SANBR: variants seen among roughly 807,000 people sequenced by gnomAD.
SANBR encodes the protein SANT and BTB domain regulator of class switch recombination.
Under a neutral mutation model 101.8 loss-of-function variants are expected in SANBR, and 77 were observed. That is an observed-to-expected ratio of 0.76 (90% confidence interval 0.63 to 0.91). The LOEUF (loss-of-function observed/expected upper bound fraction) is 0.91. Among genes scored for constraint, SANBR ranks in the 40% least tolerant of loss-of-function variants. The pLI is 0.00. For synonymous variants in SANBR, 279 were observed against 274.7 expected, an observed-to-expected ratio of 1.02 and a Z score of -0.15; for missense variants, 875 against 853.0, an observed-to-expected ratio of 1.03 and a Z score of -0.32.
At chr2:61,092,203 A>G (rs1487195600) in intron 10 of SANBR, among the ~76,000 whole-genome samples, 1 of 152,208 alleles carries the variant, frequency 6.6e-6, no homozygotes, top group Non-Finnish European at 1.5e-5. Flanking sequence ...TCCACCAAAT[A>G]TACAAACCCT....
chr2:61,133,094 G>A (rs1374579489), intron 20 of SANBR, among the ~76,000 whole-genome samples: 2 of 152,040 alleles, frequency 1.3e-5, no homozygotes, highest in Admixed American at 6.6e-5. Flanking sequence ...TCTACTAAAA[G>A]TACAAAAATT....
In SANBR at chr2:61,123,743, C is replaced by T. The variant is rs368318484; in HGVS notation, c.*1581C>T. The T allele has an allele frequency of 1.1e-4, 108 of 985,394 alleles. No homozygotes were observed. The African/African-American group carries it at 1.8e-3, about 17-fold the overall frequency. 61.0% of individuals were successfully genotyped at this position (985,394 alleles called of 1,614,324 possible). On this transcript the variant is annotated 3_prime_UTR_variant, in exon 22 of 22. Coordinates refer to ENST00000402291, the MANE Select transcript of SANBR (RefSeq NM_001129993.3). ...GCAAACTGCTTCTCCCCTGGGAGGC[C>T]TATACCACTGAATTAATTTTTACAA...
At chr2:61,076,576 C>T (rs1055857210) in intron 5 of SANBR, among the ~76,000 whole-genome samples, 13 of 148,288 alleles carry the variant, frequency 8.8e-5, no homozygotes, top group African/African-American at 3.2e-4. Context: ...TACAGTGAGC[C>T]GAGATCACGT....
intron 1 of SANBR, among the ~76,000 whole-genome samples, chr2:61,067,306 T>C (rs957920484): frequency 1.3e-5 from 2 of 152,208 alleles, no homozygotes; most frequent in Admixed American, 1.3e-4. Context: ...ATGTAAGCTT[T>C]TAAGTGTTTG....
chr2:61,121,966 A>C (rs1684347160), intron 21 of SANBR, among the ~76,000 whole-genome samples, 160 bp from the exon 22 acceptor site: 1 of 152,182 alleles, frequency 6.6e-6, no homozygotes, highest in African/African-American at 2.4e-5. Flanking sequence ...TCTCAATTCC[A>C]AAAATACATC....
chr2:61,121,869 TC>T (rs1408642502), intron 21 of SANBR, among the ~76,000 whole-genome samples: 1 of 152,220 alleles, frequency 6.6e-6, no homozygotes. Context: ...TATTTTTTAT[TC>T]ATCCCACTTA....
At chr2:61,128,682 C>T (rs371849553), downstream of SANBR, among the ~76,000 whole-genome samples, 52 of 152,134 alleles carry the variant, frequency 3.4e-4, 2 homozygotes, top group South Asian at 6.6e-3. Context: ...TTAGTAGAGA[C>T]GGGGTTTCGC....
chr2:61,103,023 G>T (rs578089827), intron 12 of SANBR, among the ~76,000 whole-genome samples: 2 of 151,744 alleles, frequency 1.3e-5, no homozygotes, highest in Middle Eastern at 3.4e-3. Context: ...AGCCATCAGT[G>T]GTAGAAGAGT....
rs201920514 is a variant in SANBR at position 61,104,004 on chromosome 2, G to T, written c.1511+6G>T. ...TTTTCAAAAGATACAGTTAGGTGAG[G>T]GGTGGAAAAACCCAACACTGTATTA... On this transcript the variant is annotated splice_donor_region_variant and intron_variant, in intron 13 of 21. Coordinates refer to ENST00000402291, the MANE Select transcript of SANBR (RefSeq NM_001129993.3). The T allele has an allele frequency of 2.9e-5, 46 of 1,613,372 alleles. No individual in the cohort carries two copies. The African/African-American group carries it at 5.7e-4, about 20-fold the overall frequency.
chr2:61,129,477 C>G (rs1334750952), intron 20 of SANBR, among the ~76,000 whole-genome samples: 1 of 151,566 alleles, frequency 6.6e-6, no homozygotes, highest in East Asian at 1.9e-4. Context: ...GTTATTGAGG[C>G]TGAAACAAAT....
chr2:61,083,383 G>A, intron 8 of SANBR, 69 bp downstream of exon 8: 1 of 989,602 alleles, frequency 1.0e-6, no homozygotes, highest in Non-Finnish European at 1.5e-6. Flanking sequence ...TTTCATGTGA[G>A]TGAAATATTC....
chr2:61,116,188 G>T, intron 17 of SANBR, 118 bp downstream of exon 17: 1 of 650,672 alleles, frequency 1.5e-6, no homozygotes, highest in Non-Finnish European at 2.6e-6. Flanking sequence ...TAAAAATGAA[G>T]TTTTTTATAG....
chr2:61,117,300 A>G lies in SANBR; in HGVS notation c.1837-57A>G, dbSNP rs1573663534. On this transcript the variant is annotated intron_variant, in intron 17 of 21. Transcript: ENST00000402291. ...GTGAACTCTTTTTATTACTAACTAT[A>G]GCACTAATCAGTAAACATGTTCTAA... is the stretch of plus-strand genomic sequence containing the variant. The G allele has an allele frequency of 7.6e-6, 11 of 1,439,430 alleles. No individual in the cohort carries two copies. In the South Asian group the frequency reaches 1.0e-4, roughly 13 times the overall value. The allele number at this position is 1,439,430 out of a possible 1,614,324, so 89.2% of individuals were successfully genotyped here.
At chr2:61,125,835 G>A (rs540649034), downstream of SANBR, among the ~76,000 whole-genome samples, 2 of 152,258 alleles carry the variant, frequency 1.3e-5, no homozygotes, top group East Asian at 3.9e-4. Context: ...TTTACAGGTG[G>A]AAGAGAACAT....
At chr2:61,117,274 A>C in intron 17 of SANBR, 83 bp from the exon 18 acceptor site, 1 of 1,273,036 alleles carries the variant, frequency 7.9e-7, no homozygotes, top group Non-Finnish European at 1.1e-6. Context: ...ACTCAGTAAG[A>C]GTGAACTCTT....
intron 12 of SANBR, among the ~76,000 whole-genome samples, chr2:61,098,711 T>G (rs1199324763): frequency 6.6e-6 from 1 of 152,206 alleles, no homozygotes; most frequent in Admixed American, 6.5e-5. Context: ...GTTATGTAAT[T>G]AAATGTCACG....
intron 8 of SANBR, 53 bp from the exon 9 acceptor site, chr2:61,088,106 A>G (rs1429951347): frequency 6.4e-6 from 6 of 937,690 alleles, no homozygotes; most frequent in Non-Finnish European, 9.8e-6. Flanking sequence ...GTTTATTTTC[A>G]TCACTATAAA....
rs2104934330 is a variant in SANBR, at chr2:61,105,080, T to C, written c.1511+1082T>C. 2.6e-5 allele frequency among the ~76,000 whole-genome samples: 4 copies of C among 151,518 alleles called. No homozygotes were observed. In the South Asian group the frequency reaches 8.4e-4, roughly 32 times the overall value. On this transcript the variant is annotated intron_variant, in intron 13 of 21. Transcript: ENST00000402291. ...TGTAAGGTTAGAGGCTGGAGGACAC[T>C]TTAAAAGAGGCTGTTCTTAGCCAGG...
intron 6 of SANBR, 120 bp from the exon 7 acceptor site, chr2:61,081,332 A>G (rs1573601661): frequency 1.0e-6 from 1 of 1,003,166 alleles, no homozygotes; most frequent in Non-Finnish European, 1.4e-6. Context: ...ATAAGCTATA[A>G]TAAGATTGTA....
Sources: allele counts gnomAD v4.1 joint callset (sites outside exome capture counted in the v4.1 genomes callset), GRCh38; gene constraint gnomAD v4.1.1; transcripts MANE v1.5; gene names NCBI Gene and HGNC (gene_info 2026-07-23, HGNC 2026-07-21).